The following NOPCHAP1 variants were observed in gnomAD, a reference collection of about 807,000 sequenced individuals.
NOPCHAP1 encodes the protein NOP protein chaperone 1, also known as DNA damage-sensitive RNA 1.
A neutral mutation model predicts 14.0 loss-of-function variants in NOPCHAP1; 13 were observed. The ratio of observed to expected loss-of-function variants is 0.93; its 90% confidence interval spans 0.60 to 1.47. The LOEUF (loss-of-function observed/expected upper bound fraction) is 1.47, where lower values mean the gene tolerates loss of function less well. NOPCHAP1 is among the 40% of genes most tolerant of loss of function. The probability of loss-of-function intolerance (pLI) is 0.00; values close to 1 mark genes in which losing one functional copy is unlikely to be tolerated. For missense variants in NOPCHAP1, 230 were observed against 226.9 expected (o/e 1.01, Z -0.09); for synonymous variants, 78 against 78.4 (o/e 1.00, Z 0.03).
At chr12:104,991,231 A>T (rs1873367164) in intron 2 of NOPCHAP1, among the ~76,000 whole-genome samples, 1 of 152,212 alleles carries the variant, frequency 6.6e-6, no homozygotes, top group South Asian at 2.1e-4. Context: ...AAGAGTGACT[A>T]AGAGTGACAC....
rs1195114044 is a variant in NOPCHAP1, at chr12:105,003,345, AG to A, written c.*8651del. The A allele has an allele frequency of 6.6e-6, 1 of 152,182 alleles. No homozygotes were observed. The highest frequency in any genetic ancestry group is 1.9e-4 in the East Asian group (1 of 5,194). The allele number at this position is 152,182 out of a possible 1,614,324, so 9.4% of individuals were successfully genotyped here. A position where few individuals can be genotyped will look rare whatever the true frequency, so the allele number is the denominator to read the frequency against. ...CGAAATTGGCTATAGTTCCAGATGG[AG>A]GAGTTCTAGACTCCATGGATCCAGA... On this transcript the variant is annotated 3_prime_UTR_variant, in exon 4 of 4. Transcript: ENST00000552951.
In NOPCHAP1 at chr12:105,012,599, G is replaced by A. The variant is rs11112301; in HGVS notation, c.*17903G>A. ...TTTTTGGAATTTTCAGCCTTTTTGC[G>A]CTGGGTTTTCCTCATCTTCCTGGAT... On this transcript the variant is annotated 3_prime_UTR_variant, in exon 4 of 4. Coordinates refer to ENST00000552951, the MANE Select transcript of NOPCHAP1 (RefSeq NM_152318.3). The A allele has an allele frequency of 0.074, 11,210 of 152,230 alleles. 459 individuals are homozygous for A. The highest frequency in any genetic ancestry group is 0.091 in the Middle Eastern group (27 of 296). 9.4% of individuals were successfully genotyped at this position (152,230 alleles called of 1,614,324 possible).
intron 3 of NOPCHAP1, among the ~76,000 whole-genome samples, chr12:104,992,266 T>C (rs188004007): frequency 4.5e-4 from 68 of 152,354 alleles, no homozygotes; most frequent in African/African-American, 1.6e-3. Flanking sequence ...CCGTTTATAA[T>C]ATCTGTGTCT....
rs1303512268 is a variant in NOPCHAP1 at position 105,005,719 on chromosome 12, G to C, written c.*11023G>C. 1.3e-5 allele frequency: 2 copies of C among 152,234 alleles called. No individual in the cohort carries two copies. The highest frequency in any genetic ancestry group is 1.3e-4 in the Admixed American group (2 of 15,280). The allele number at this position is 152,234 out of a possible 1,614,324, so 9.4% of individuals were successfully genotyped here. A position where few individuals can be genotyped will look rare whatever the true frequency, so the allele number is the denominator to read the frequency against. ...TTGATTCAGTCTAGGAAGTCAGTGC[G>C]AATTGGCCTTAAGTTCCCTGCCTCC... is the stretch of plus-strand genomic sequence containing the variant. On this transcript the variant is annotated 3_prime_UTR_variant, in exon 4 of 4. Coordinates refer to ENST00000552951, the MANE Select transcript of NOPCHAP1 (RefSeq NM_152318.3).
intron 2 of NOPCHAP1, among the ~76,000 whole-genome samples, chr12:104,990,300 G>A (rs1040372003): frequency 2.0e-5 from 3 of 152,116 alleles, no homozygotes; most frequent in South Asian, 4.1e-4. Flanking sequence ...TTTGGTACTT[G>A]TTTTGCTCTA....
chr12:104,986,533 T>C (rs7964906), intron 1 of NOPCHAP1, 66 bp downstream of exon 1: 185,714 of 1,361,246 alleles, frequency 0.14, 13,688 homozygotes, highest in African/African-American at 0.28. Context: ...CCGGTGCAGT[T>C]TGGGAGCCGG....
At chr12:104,989,975 G>A (rs919718409) in intron 2 of NOPCHAP1, among the ~76,000 whole-genome samples, 52 of 151,882 alleles carry the variant, frequency 3.4e-4, no homozygotes, top group African/African-American at 1.2e-3. Flanking sequence ...CCTTGTGTTT[G>A]TGCTTTTCTT....
chr12:104,993,901 A>G (rs768151447), intron 3 of NOPCHAP1, among the ~76,000 whole-genome samples: 1 of 152,066 alleles, frequency 6.6e-6, no homozygotes, highest in African/African-American at 2.4e-5. Context: ...TCATGTTAGT[A>G]TTTGCTGAAA....
At chr12:104,988,622 C>G (rs1226842400) in intron 2 of NOPCHAP1, among the ~76,000 whole-genome samples, 1 of 152,166 alleles carries the variant, frequency 6.6e-6, no homozygotes, top group Non-Finnish European at 1.5e-5. Context: ...ATAAATATTA[C>G]TTAGAATACA....
chr12:105,002,540 G>A lies in NOPCHAP1; in HGVS notation c.*7844G>A, dbSNP rs965900809. On this transcript the variant is annotated 3_prime_UTR_variant, in exon 4 of 4. Transcript: ENST00000552951. Reference sequence around the variant, plus strand: ...TTTTTGTCTATGAGATTGTATGATGGACCAATCAATTTTTTGTAGCAAAAT... The same window carrying A: ...TTTTTGTCTATGAGATTGTATGATGAACCAATCAATTTTTTGTAGCAAAAT... 6.6e-6 allele frequency: 1 copy of A among 152,146 alleles called. No individual in the cohort carries two copies. The highest frequency in any genetic ancestry group is 2.4e-5 in the African/African-American group (1 of 41,434). The allele number at this position is 152,146 out of a possible 1,614,324, so 9.4% of individuals were successfully genotyped here. A position where few individuals can be genotyped will look rare whatever the true frequency, so the allele number is the denominator to read the frequency against.
intron 1 of NOPCHAP1, 58 bp from the exon 2 acceptor site, chr12:104,988,109 G>A: frequency 2.2e-6 from 3 of 1,343,770 alleles, no homozygotes; most frequent in Non-Finnish European, 3.2e-6. Flanking sequence ...CTTACTGATG[G>A]GCCTTTGTTT....
intron 2 of NOPCHAP1, among the ~76,000 whole-genome samples, chr12:104,989,093 A>G (rs1352481088): frequency 6.6e-6 from 1 of 151,914 alleles, no homozygotes; most frequent in East Asian, 1.9e-4. Flanking sequence ...GCACATCCTA[A>G]CCAAAATGTG....
Position 105,004,921 on chromosome 12 carries a change from AAAGT to A in NOPCHAP1, c.*10229_*10232del, listed in dbSNP as rs1273153073. 6.6e-6 allele frequency: 1 copy of A among 152,354 alleles called. No individual in the cohort carries two copies. The highest frequency in any genetic ancestry group is 6.5e-5 in the Admixed American group (1 of 15,304). 9.4% of individuals were successfully genotyped at this position (152,354 alleles called of 1,614,324 possible). A position where few individuals can be genotyped will look rare whatever the true frequency, so the allele number is the denominator to read the frequency against. On this transcript the variant is annotated 3_prime_UTR_variant, in exon 4 of 4. Coordinates refer to ENST00000552951, the MANE Select transcript of NOPCHAP1 (RefSeq NM_152318.3). The stretch of plus-strand genomic sequence containing the variant: ...GTATTATATATTGTATTTTTACAAT[AAAGT>A]AAGCTACGGAAAAGAAAATATCACT...
rs537115637 is a variant in NOPCHAP1, at chr12:105,009,246, G to A, written c.*14550G>A. On this transcript the variant is annotated 3_prime_UTR_variant, in exon 4 of 4. Coordinates refer to ENST00000552951, the MANE Select transcript of NOPCHAP1 (RefSeq NM_152318.3). ...ATTATCTTTGTAGCAATTGTGAATG[G>A]TAGTTCACTCATGATTTGGCTCTCT... 1 of 152,270 alleles carries A rather than the reference G, an allele frequency of 6.6e-6. No homozygotes were observed. The highest frequency in any genetic ancestry group is 2.1e-4 in the South Asian group (1 of 4,826). The allele number at this position is 152,270 out of a possible 1,614,324, so 9.4% of individuals were successfully genotyped here.
Position 105,001,284 on chromosome 12 carries a change from A to G in NOPCHAP1, c.*6588A>G, listed in dbSNP as rs1565940730. ...AAGCTTCTATCCGTCTAGAGAACAC[A>G]AAGACTTTTATAAGAACATATTGTT... On this transcript the variant is annotated 3_prime_UTR_variant, in exon 4 of 4. Transcript: ENST00000552951. 6.6e-6 allele frequency: 1 copy of G among 152,196 alleles called. No individual in the cohort carries two copies. Among genetic ancestry groups the G allele is most frequent in the Non-Finnish European group, 1.5e-5 (1 of 68,028 alleles). 9.4% of individuals were successfully genotyped at this position (152,196 alleles called of 1,614,324 possible). A position where few individuals can be genotyped will look rare whatever the true frequency, so the allele number is the denominator to read the frequency against.
Position 105,016,751 on chromosome 12 carries a change from T to C in NOPCHAP1, c.*22055T>C, listed in dbSNP as rs1592754362. On this transcript the variant is annotated 3_prime_UTR_variant, in exon 4 of 4. Coordinates refer to ENST00000552951, the MANE Select transcript of NOPCHAP1 (RefSeq NM_152318.3). ...TCCCTCCTACAACACGTGAGAATTA[T>C]GGGAGCTACAATTCAAGATGAGATT... is the stretch of plus-strand genomic sequence containing the variant. 6.6e-6 allele frequency: 1 copy of C among 152,210 alleles called. No individual in the cohort carries two copies. The highest frequency in any genetic ancestry group is 1.9e-4 in the East Asian group (1 of 5,200). The allele number at this position is 152,210 out of a possible 1,614,324, so 9.4% of individuals were successfully genotyped here. A position where few individuals can be genotyped will look rare whatever the true frequency, so the allele number is the denominator to read the frequency against.
rs1159965377 is a variant in NOPCHAP1 at position 105,002,097 on chromosome 12, T to C, written c.*7401T>C. On this transcript the variant is annotated 3_prime_UTR_variant, in exon 4 of 4. Coordinates refer to ENST00000552951, the MANE Select transcript of NOPCHAP1 (RefSeq NM_152318.3). ...GGTATACTGAAATAAGAATGCAAAA[T>C]CTCTTTTCCAGCATCCTAGTTGTTT... 6.6e-6 allele frequency: 1 copy of C among 152,096 alleles called. No individual in the cohort carries two copies. 9.4% of individuals were successfully genotyped at this position (152,096 alleles called of 1,614,324 possible).
At position 104,988,171 on chromosome 12, in the gene NOPCHAP1, A is replaced by G; in HGVS notation, c.120A>G (p.Ile40Met). ...TTTGTGTGTCTGTATTTTCAGGTAT[A>G]TGGGACAGGTTGCTCATCAACTCCC... is the stretch of plus-strand genomic sequence containing the variant. ...LTAGSDGRGG[I>M]WDRLLINSQP... The change falls in exon 2 of 4, where the codon ATA becomes ATG. Residue 40 changes from isoleucine to methionine, a missense_variant. Ile to Met is a conservative substitution (Grantham distance 10). Transcript: ENST00000552951. 1 of 1,609,294 alleles carries G rather than the reference A, an allele frequency of 6.2e-7. No individual in the cohort carries two copies. The highest frequency in any genetic ancestry group is 8.5e-7 in the Non-Finnish European group (1 of 1,176,210).
rs1161019903 is a variant in NOPCHAP1 at position 104,994,909 on chromosome 12, G to T, written c.*213G>T. 3 of 520,578 alleles carry T rather than the reference G, an allele frequency of 5.8e-6. No individual in the cohort carries two copies. Among genetic ancestry groups the T allele is most frequent in the Non-Finnish European group, 1.0e-5 (3 of 293,294 alleles). 32.2% of individuals were successfully genotyped at this position (520,578 alleles called of 1,614,324 possible). A position where few individuals can be genotyped will look rare whatever the true frequency, so the allele number is the denominator to read the frequency against. On this transcript the variant is annotated 3_prime_UTR_variant, in exon 4 of 4. Transcript: ENST00000552951. The stretch of plus-strand genomic sequence containing the variant: ...AACTGAAAGGGGTTCAGAGACCTCC[G>T]CTCTACAGCAAGGAAAGTGTGCTTT...
Sources: gnomAD v4.1 joint callset for allele counts (sites outside exome capture counted in the v4.1 genomes callset) on GRCh38, gnomAD v4.1.1 for gene constraint, MANE v1.5 for transcripts, NCBI Gene and HGNC (gene_info 2026-07-23, HGNC 2026-07-21) for gene names.